Variants in TSHZ2 observed in about 807,000 individuals in gnomAD.
TSHZ2 encodes the protein teashirt homolog 2.
Under a neutral mutation model 74.4 loss-of-function variants are expected in TSHZ2, and 21 were observed. The observed-to-expected ratio is 0.28, with a 90% CI of 0.20 to 0.41. TSHZ2 has a LOEUF of 0.41. TSHZ2 is among the 10% of genes least tolerant of loss of function. TSHZ2 has a pLI of 1.00. For synonymous variants in TSHZ2, 540 were observed against 515.3 expected, an observed-to-expected ratio of 1.05 and a Z score of -0.65; for missense variants, 1,244 against 1,293.5, an observed-to-expected ratio of 0.96 and a Z score of 0.59.
chr20:53,282,729 C>T (rs1302631527), intron 2 of TSHZ2, among the ~76,000 whole-genome samples: 1 of 152,168 alleles, frequency 6.6e-6, no homozygotes, highest in Admixed American at 6.5e-5. Context: ...ACTGGTGATT[C>T]GAAGGAATAA....
At chr20:53,004,424 T>C (rs1390968483) in intron 1 of TSHZ2, among the ~76,000 whole-genome samples, 11 of 152,200 alleles carry the variant, frequency 7.2e-5, no homozygotes, top group South Asian at 4.1e-4. Context: ...CAGTTGACCA[T>C]GTGCGAAAGA....
At chr20:53,262,113 C>T (rs1990613676) in intron 2 of TSHZ2, among the ~76,000 whole-genome samples, 1 of 151,990 alleles carries the variant, frequency 6.6e-6, no homozygotes, top group African/African-American at 2.4e-5. Flanking sequence ...AGTAAGTAAA[C>T]AAGCAGTTAC....
chr20:53,333,394 T>C (rs1377522357), intron 2 of TSHZ2, among the ~76,000 whole-genome samples: 1 of 151,892 alleles, frequency 6.6e-6, no homozygotes, highest in Non-Finnish European at 1.5e-5. Context: ...GAAGGAGATG[T>C]CCTGGTTGAA....
chr20:53,419,224 A>T (rs1983379784), intron 2 of TSHZ2, among the ~76,000 whole-genome samples: 1 of 152,066 alleles, frequency 6.6e-6, no homozygotes, highest in East Asian at 1.9e-4. Context: ...TGTCACTCAG[A>T]CCCTTCTCAC....
At chr20:53,455,715 C>A (rs1383538856) in intron 2 of TSHZ2, among the ~76,000 whole-genome samples, 2 of 150,686 alleles carry the variant, frequency 1.3e-5, no homozygotes, top group Non-Finnish European at 3.0e-5. Context: ...CCTCCCCCGC[C>A]CCACCCCACA....
At chr20:53,359,598 G>A (rs1319760602) in intron 2 of TSHZ2, among the ~76,000 whole-genome samples, 1 of 152,218 alleles carries the variant, frequency 6.6e-6, no homozygotes, top group African/African-American at 2.4e-5. Context: ...AAACTGTGCT[G>A]GCAAGAGGCT....
intron 2 of TSHZ2, among the ~76,000 whole-genome samples, chr20:53,339,431 C>T (rs1321525796): frequency 6.6e-6 from 1 of 152,112 alleles, no homozygotes; most frequent in East Asian, 1.9e-4. Flanking sequence ...CACTTTGAAC[C>T]CTGAAAGGCC....
Position 53,254,023 on chromosome 20 carries a change from C to T in TSHZ2, c.565C>T (p.Pro189Ser). 6.2e-7 allele frequency: 1 copy of T among 1,614,142 alleles called. No homozygotes were observed. The highest frequency in any genetic ancestry group is 8.5e-7 in the Non-Finnish European group (1 of 1,180,028). The change falls in exon 2 of 3, where the codon CCC becomes TCC. Residue 189 changes from proline (P) to serine (S), a missense_variant. Coordinates refer to ENST00000371497, the MANE Select transcript of TSHZ2 (RefSeq NM_173485.6). ...CTTGCCTTCTCGGTCCGTCTCGAAA[C>T]CCAGCCTGTTCAGCTCGGTGCAGTT... is the stretch of plus-strand genomic sequence containing the variant. ...QNLPSRSVSK[P>S]SLFSSVQLYR...
At chr20:53,059,248 A>G (rs895146470) in intron 1 of TSHZ2, among the ~76,000 whole-genome samples, 2 of 152,222 alleles carry the variant, frequency 1.3e-5, no homozygotes, top group African/African-American at 4.8e-5. Context: ...ATGTTGTTGG[A>G]TTGAGCTAAG....
intron 2 of TSHZ2, among the ~76,000 whole-genome samples, chr20:53,267,905 G>A (rs1990751920): frequency 6.6e-6 from 1 of 152,182 alleles, no homozygotes; most frequent in Non-Finnish European, 1.5e-5. Context: ...GAAAACTGGA[G>A]CTTTAAGAGC....
At chr20:53,268,073 G>A (rs1268886495) in intron 2 of TSHZ2, among the ~76,000 whole-genome samples, 1 of 152,134 alleles carries the variant, frequency 6.6e-6, no homozygotes, top group East Asian at 1.9e-4. Flanking sequence ...TTGGCCACTT[G>A]GGGATGGAGC....
At chr20:53,195,410 G>T (rs1988839142) in intron 1 of TSHZ2, among the ~76,000 whole-genome samples, 1 of 152,052 alleles carries the variant, frequency 6.6e-6, no homozygotes, top group Non-Finnish European at 1.5e-5. Flanking sequence ...CAACTATATT[G>T]GTGAAAGATA....
At chr20:53,145,760 C>T (rs570057426) in intron 1 of TSHZ2, among the ~76,000 whole-genome samples, 84 of 152,282 alleles carry the variant, frequency 5.5e-4, no homozygotes, top group African/African-American at 2.0e-3. Context: ...TTGCCCTTAA[C>T]CAGAGAAGCA....
intron 1 of TSHZ2, among the ~76,000 whole-genome samples, chr20:53,215,131 A>G (rs1989405446): frequency 6.6e-6 from 1 of 152,084 alleles, no homozygotes; most frequent in South Asian, 2.1e-4. Context: ...TTTAAAGATT[A>G]TCTCATCAAA....
At chr20:53,208,536 A>AC (rs1412860387) in intron 1 of TSHZ2, 2 of 152,156 alleles carry the variant, frequency 1.3e-5, no homozygotes, top group African/African-American at 4.8e-5. Context: ...CACATTTCCC[A>AC]CCCACATCCT....
intron 1 of TSHZ2, among the ~76,000 whole-genome samples, chr20:53,222,477 C>T (rs561169189): frequency 2.6e-5 from 4 of 152,310 alleles, no homozygotes; most frequent in East Asian, 3.9e-4. Context: ...CTGAAGAAGG[C>T]GTGCCACTCT....
intron 2 of TSHZ2, among the ~76,000 whole-genome samples, chr20:53,385,544 T>G (rs903752364): frequency 1.3e-5 from 2 of 152,196 alleles, no homozygotes; most frequent in African/African-American, 2.4e-5. Flanking sequence ...AATACCATTC[T>G]CGGTCGTGGG....
chr20:52,985,935 A>C (rs936747114), intron 1 of TSHZ2, among the ~76,000 whole-genome samples: 1 of 152,246 alleles, frequency 6.6e-6, no homozygotes, highest in Non-Finnish European at 1.5e-5. Flanking sequence ...GCATTGAGTC[A>C]TGTAGTGAAA....
intron 1 of TSHZ2, among the ~76,000 whole-genome samples, chr20:53,101,096 C>T (rs1986203932): frequency 6.6e-6 from 1 of 152,058 alleles, no homozygotes; most frequent in Non-Finnish European, 1.5e-5. Flanking sequence ...TTTTAATTTC[C>T]TGTAATCCAG....
Sources: gnomAD v4.1 joint callset for allele counts (sites outside exome capture counted in the v4.1 genomes callset) on GRCh38, gnomAD v4.1.1 for gene constraint, MANE v1.5 for transcripts, NCBI Gene and HGNC (gene_info 2026-07-23, HGNC 2026-07-21) for gene names.